LMX1A: variants seen among roughly 807,000 people sequenced by gnomAD.
The protein encoded by LMX1A is LIM homeobox transcription factor 1 alpha.
In LMX1A, 15 loss-of-function variants were observed where a neutral mutation model predicts 49.1. That is an observed-to-expected ratio of 0.31 (90% CI 0.20 to 0.47). The LOEUF (loss-of-function observed/expected upper bound fraction) is 0.47. LMX1A is among the 20% of genes least tolerant of loss of function. LMX1A has a pLI of 1.00. For synonymous variants in LMX1A, 167 were observed against 185.7 expected (o/e 0.90, Z 0.82); for missense variants, 372 against 475.8 (o/e 0.78, Z 2.03).
intron 4 of LMX1A, among the ~76,000 whole-genome samples, chr1:165,241,728 G>T (rs368131973): frequency 5.9e-4 from 90 of 152,308 alleles, no homozygotes; most frequent in African/African-American, 2.1e-3. Context: ...TGAGTTAACT[G>T]CTGCTTCTCT....
At chr1:165,263,305 C>CA (rs1653504417) in intron 3 of LMX1A, among the ~76,000 whole-genome samples, 1 of 152,128 alleles carries the variant, frequency 6.6e-6, no homozygotes, top group South Asian at 2.1e-4. Context: ...TTAACAAAAC[C>CA]AAAATAAAAT....
At chr1:165,258,957 T>C (rs1653340603) in intron 3 of LMX1A, among the ~76,000 whole-genome samples, 1 of 152,220 alleles carries the variant, frequency 6.6e-6, no homozygotes, top group Admixed American at 6.5e-5. Flanking sequence ...CCTTATGAGA[T>C]ATTTTGGAGA....
chr1:165,280,901 C>A (rs994164232), intron 3 of LMX1A, among the ~76,000 whole-genome samples: 2 of 152,058 alleles, frequency 1.3e-5, no homozygotes, highest in African/African-American at 4.8e-5. Flanking sequence ...ATAGGGCCTT[C>A]GTAACAGTCA....
rs551667348 is a variant in LMX1A at position 165,205,896 on chromosome 1, G to C, written c.956C>G (p.Pro319Arg). 1.9e-6 allele frequency: 3 copies of C among 1,614,084 alleles called. No homozygotes were observed. Among genetic ancestry groups the C allele is most frequent in the Non-Finnish European group, 2.5e-6 (3 of 1,180,018 alleles). ...SDPFRQGLTPPQMPGDHMHPY... is the reference protein window; with the variant it reads ...SDPFRQGLTPRQMPGDHMHPY... ...GTGCATGTGGTCTCCAGGCATCTGG[G>C]GTGGGGTGAGACCCTGTCGGAAGGG... Residue 319 changes from proline to arginine, a missense_variant, in exon 8 of 9, where the codon CCC (proline) becomes CGC (arginine). Physicochemically the swap from Pro to Arg is moderately radical, Grantham distance 103. This residue lies in a region of LMX1A where 127 missense variants were observed against 138.0 expected (regional missense o/e 0.92). Coordinates refer to ENST00000342310, the MANE Select transcript of LMX1A (RefSeq NM_177398.4).
intron 4 of LMX1A, among the ~76,000 whole-genome samples, chr1:165,246,982 T>A (rs1268505248): frequency 6.9e-6 from 1 of 145,388 alleles, no homozygotes; most frequent in Non-Finnish European, 1.5e-5. Context: ...AGTGAACCTG[T>A]TGCAGTTCCC....
At chr1:165,342,511 G>A (rs146854556) in intron 3 of LMX1A, among the ~76,000 whole-genome samples, 1 of 152,174 alleles carries the variant, frequency 6.6e-6, no homozygotes, top group African/African-American at 2.4e-5. Context: ...GGGCTGGGGG[G>A]AAGAAGAGCT....
chr1:165,354,569 A>G (rs1389388867), intron 2 of LMX1A, among the ~76,000 whole-genome samples: 2 of 151,920 alleles, frequency 1.3e-5, no homozygotes, highest in Non-Finnish European at 2.9e-5. Context: ...AGTGCACGTG[A>G]TTTCGTTTCA....
intron 4 of LMX1A, among the ~76,000 whole-genome samples, chr1:165,224,431 AG>A (rs1323873111): frequency 6.6e-6 from 1 of 152,198 alleles, no homozygotes; most frequent in African/African-American, 2.4e-5. Flanking sequence ...GGTCGTTGAA[AG>A]CACCTACCCA....
intron 4 of LMX1A, among the ~76,000 whole-genome samples, chr1:165,245,630 GCA>G (rs1652825668): frequency 2.8e-5 from 2 of 71,092 alleles, no homozygotes. Context: ...TCTGACCAGG[GCA>G]AAAAAAAAAA....
chr1:165,324,732 G>A (rs1409043683), intron 3 of LMX1A, among the ~76,000 whole-genome samples: 1 of 152,130 alleles, frequency 6.6e-6, no homozygotes, highest in Non-Finnish European at 1.5e-5. Context: ...TATCCCATAT[G>A]ATCTTTATAC....
At chr1:165,353,349 A>G (rs1461888889) in intron 2 of LMX1A, 87 bp from the exon 3 acceptor site, 16 of 1,049,370 alleles carry the variant, frequency 1.5e-5, no homozygotes, top group South Asian at 3.1e-5. Context: ...TGATCCCTTC[A>G]CATCCACGGA....
At chr1:165,353,289 T>C in intron 2 of LMX1A, 27 bp from the exon 3 acceptor site, 1 of 1,598,758 alleles carries the variant, frequency 6.3e-7, no homozygotes, top group Non-Finnish European at 8.5e-7. Flanking sequence ...CGTTGGCGGG[T>C]GAGCAGCCCG....
chr1:165,318,399 G>A (rs1007627208), intron 3 of LMX1A, among the ~76,000 whole-genome samples: 2 of 151,946 alleles, frequency 1.3e-5, no homozygotes, highest in African/African-American at 4.9e-5. Flanking sequence ...TGTTGGCAGA[G>A]GGTCAAAAGA....
intron 3 of LMX1A, among the ~76,000 whole-genome samples, chr1:165,341,265 T>C (rs1656067549): frequency 6.6e-6 from 1 of 152,176 alleles, no homozygotes; most frequent in African/African-American, 2.4e-5. Flanking sequence ...CCATGACCAG[T>C]GACCACAGTA....
intron 3 of LMX1A, among the ~76,000 whole-genome samples, chr1:165,274,748 C>T (rs774808748): frequency 1.3e-5 from 2 of 152,110 alleles, no homozygotes; most frequent in East Asian, 1.9e-4. Flanking sequence ...ATGTAACGTG[C>T]CATGAAGGTA....
At chr1:165,333,602 T>TTCACTGTC (rs1394782938) in intron 3 of LMX1A, among the ~76,000 whole-genome samples, 2 of 152,230 alleles carry the variant, frequency 1.3e-5, no homozygotes, top group Non-Finnish European at 2.9e-5. Flanking sequence ...TCCCATTGCA[T>TTCACTGTC]TCACTGTCTC....
At chr1:165,268,361 G>A (rs1229326137) in intron 3 of LMX1A, among the ~76,000 whole-genome samples, 2 of 152,122 alleles carry the variant, frequency 1.3e-5, no homozygotes, top group Non-Finnish European at 2.9e-5. Flanking sequence ...ATGTTTTGGG[G>A]CCAGTGTTAA....
intron 7 of LMX1A, 134 bp downstream of exon 7, chr1:165,207,928 CT>C: frequency 1.4e-6 from 1 of 692,938 alleles, no homozygotes; most frequent in Non-Finnish European, 2.4e-6. Flanking sequence ...CCTTGAAGGC[CT>C]TATTTCTCCA....
At chr1:165,315,486 G>A (rs1546412) in intron 3 of LMX1A, among the ~76,000 whole-genome samples, 132,595 of 152,278 alleles carry the variant, frequency 0.87, 58,014 homozygotes, top group Middle Eastern at 0.94. Flanking sequence ...GCTAACAGCT[G>A]TAATTGGCAT....
Sources: allele counts gnomAD v4.1 joint callset (sites outside exome capture counted in the v4.1 genomes callset), GRCh38; gene constraint gnomAD v4.1.1; regional missense constraint gnomAD v4.1.1; transcripts MANE v1.5; gene names NCBI Gene and HGNC (gene_info 2026-07-23, HGNC 2026-07-21).